The following USP34 variants were observed in gnomAD, a reference collection of about 807,000 sequenced individuals.
USP34 encodes the protein ubiquitin carboxyl-terminal hydrolase 34.
Under a neutral mutation model 460.3 loss-of-function variants are expected in USP34, and 70 were observed. The ratio of observed to expected loss-of-function variants is 0.15; its 90% CI spans 0.13 to 0.19. USP34 has a LOEUF of 0.19. USP34 is among the 10% of genes least tolerant of loss of function. The pLI is 1.00. For synonymous variants in USP34, 1,647 were observed against 1,405.3 expected, an observed-to-expected ratio of 1.17 and a Z score of -3.85; for missense variants, 3,985 against 4,236.2, an observed-to-expected ratio of 0.94 and a Z score of 1.65.
chr2:61,313,056 G>A (rs749438061), intron 25 of USP34, among the ~76,000 whole-genome samples: 33 of 152,000 alleles, frequency 2.2e-4, no homozygotes, highest in Non-Finnish European at 4.1e-4. Context: ...ACAAAATTTT[G>A]CATGAAAAAT....
Position 61,350,304 on chromosome 2 carries a change from A to G in USP34, c.1463T>C (p.Phe488Ser). 6.2e-7 allele frequency: 1 copy of G among 1,612,660 alleles called. No homozygotes were observed. The highest frequency in any genetic ancestry group is 2.2e-5 in the East Asian group (1 of 44,780). ...AKAQLSKQSS[F>S]ASLLNTNIPI... Reference sequence around the variant, plus strand: ...AATATTAGTATTTAATAAAGATGCAAAAGAACTCTGTTTAGATAACTGAGC... The same window carrying G: ...AATATTAGTATTTAATAAAGATGCAGAAGAACTCTGTTTAGATAACTGAGC... Residue 488 changes from phenylalanine (F) to serine (S), a missense_variant, in exon 12 of 80, where the codon TTT becomes TCT. By Grantham distance (155) the Phe-to-Ser change is radical. Around this residue, in one of 14 missense-constraint regions of USP34, gnomAD observed 716 missense variants for 626.2 expected, o/e 1.14. Transcript: ENST00000398571.
At chr2:61,414,727 C>T (rs76042912) in intron 2 of USP34, among the ~76,000 whole-genome samples, 1 of 152,132 alleles carries the variant, frequency 6.6e-6, no homozygotes, top group African/African-American at 2.4e-5. Flanking sequence ...ACAGTCAGAG[C>T]AAGGGAGTCA....
chr2:61,208,052 A>T (rs1023451060), intron 70 of USP34: 3 of 152,338 alleles, frequency 2.0e-5, no homozygotes, highest in African/African-American at 7.2e-5. Context: ...AAGCATAAAC[A>T]GCTGATTTTA....
rs1687194932 is a variant in USP34 at position 61,208,976 on chromosome 2, C to T, written c.8842G>A (p.Ala2948Thr). Residue 2948 changes from alanine to threonine, a missense_variant and splice_region_variant, in exon 70 of 80, where the codon GCC (alanine) becomes ACC (threonine). By Grantham distance (58) the Ala-to-Thr change is moderately conservative. This residue lies in a region of USP34 where 275 missense variants were observed against 292.7 expected (regional missense o/e 0.94). Transcript: ENST00000398571. ...TCAGATTCTAATAGTATTCTGAAGGCACTAGAAGAAAACATAAAGTTCAGT... is the reference window on the plus strand; with the variant it reads ...TCAGATTCTAATAGTATTCTGAAGGTACTAGAAGAAAACATAAAGTTCAGT... Reference protein sequence around the residue: ...GRSCWTTLISAFRILLESDED... With the variant: ...GRSCWTTLISTFRILLESDED... 2.6e-6 allele frequency: 4 copies of T among 1,566,932 alleles called. No homozygotes were observed. Among genetic ancestry groups the T allele is most frequent in the Non-Finnish European group, 3.5e-6 (4 of 1,156,412 alleles).
At chr2:61,459,241 A>C (rs1273534212) in intron 1 of USP34, among the ~76,000 whole-genome samples, 1 of 152,186 alleles carries the variant, frequency 6.6e-6, no homozygotes, top group Non-Finnish European at 1.5e-5. Flanking sequence ...GAGAAGAAAT[A>C]AGCACAACTA....
At chr2:61,205,562 G>A (rs1687095751) in intron 72 of USP34, among the ~76,000 whole-genome samples, 1 of 152,054 alleles carries the variant, frequency 6.6e-6, no homozygotes, top group Non-Finnish European at 1.5e-5. Context: ...TCTTTTAAAA[G>A]CCACAAATTA....
rs369208227 is a variant in USP34, at chr2:61,265,978, G to C, written c.5617+6C>G. On this transcript the variant is annotated splice_donor_region_variant and intron_variant, in intron 42 of 79. Transcript: ENST00000398571. ...ATAAAGATTAAAGGAAAAGAAGAAT[G>C]CTTACACTGCATGTGTTGTGCCATA... 820 of 1,581,598 alleles carry C rather than the reference G, an allele frequency of 5.2e-4. 8 individuals are homozygous for C. In the South Asian group the frequency reaches 8.9e-3, roughly 17 times the overall value.
At chr2:61,288,456 T>C (rs923829537) in intron 34 of USP34, among the ~76,000 whole-genome samples, 2 of 152,204 alleles carry the variant, frequency 1.3e-5, no homozygotes, top group African/African-American at 4.8e-5. Flanking sequence ...ATAAATTCAG[T>C]CTCACAGATA....
intron 68 of USP34, 116 bp downstream of exon 68, chr2:61,213,944 T>C (rs1468176761): frequency 8.0e-7 from 1 of 1,253,952 alleles, no homozygotes; most frequent in African/African-American, 1.5e-5. Flanking sequence ...CACATTAAGT[T>C]CTTAAGAAAG....
At chr2:61,316,934 T>C (rs1171274059) in intron 23 of USP34, among the ~76,000 whole-genome samples, 5 of 152,138 alleles carry the variant, frequency 3.3e-5, no homozygotes, top group African/African-American at 7.2e-5. Context: ...TTTTCCTTTT[T>C]AAAAAAATTT....
chr2:61,284,722 T>C (rs1378939863), intron 35 of USP34, among the ~76,000 whole-genome samples, 153 bp downstream of exon 35: 3 of 152,162 alleles, frequency 2.0e-5, no homozygotes, highest in Non-Finnish European at 2.9e-5. Context: ...AGCAACAGGT[T>C]AATAATACGT....
At chr2:61,321,364 G>A (rs574161989) in intron 21 of USP34, among the ~76,000 whole-genome samples, 39 of 152,170 alleles carry the variant, frequency 2.6e-4, no homozygotes, top group Non-Finnish European at 5.4e-4. Flanking sequence ...CCAGCTGCTC[G>A]GGAGGCTGAG....
chr2:61,187,550 T>C lies in USP34; in HGVS notation c.*552A>G. The stretch of plus-strand genomic sequence containing the variant: ...TCAATAAAAATAAAACAATTATTTT[T>C]ACATCAAGTGTGCTTTATTTCCTCC... On this transcript the variant is annotated 3_prime_UTR_variant, in exon 80 of 80. Transcript: ENST00000398571. 1.0e-6 allele frequency: 1 copy of C among 976,888 alleles called. No homozygotes were observed. The highest frequency in any genetic ancestry group is 4.7e-5 in the South Asian group (1 of 21,116). 60.5% of individuals were successfully genotyped at this position (976,888 alleles called of 1,614,324 possible).
intron 21 of USP34, among the ~76,000 whole-genome samples, chr2:61,322,534 A>G (rs917044048): frequency 6.6e-6 from 1 of 152,254 alleles, no homozygotes; most frequent in Non-Finnish European, 1.5e-5. Context: ...TCTGAAGTAC[A>G]TTTTAAGAGG....
At chr2:61,308,033 A>G (rs969694490) in intron 27 of USP34, among the ~76,000 whole-genome samples, 1 of 152,142 alleles carries the variant, frequency 6.6e-6, no homozygotes, top group Admixed American at 6.6e-5. Flanking sequence ...TGGGTGACAG[A>G]GTGAGACCCT....
intron 27 of USP34, among the ~76,000 whole-genome samples, chr2:61,306,717 C>T (rs932148937): frequency 3.3e-5 from 5 of 152,102 alleles, no homozygotes; most frequent in African/African-American, 1.2e-4. Context: ...TGAAAAAATG[C>T]TCATCATCAC....
intron 1 of USP34, among the ~76,000 whole-genome samples, chr2:61,446,486 G>A (rs545246937): frequency 6.6e-6 from 1 of 152,222 alleles, no homozygotes; most frequent in Admixed American, 6.5e-5. Flanking sequence ...TGTAAGTACT[G>A]TCTGTTACAT....
At chr2:61,395,785 CAAAAAAAA>C (rs541139131) in intron 3 of USP34, among the ~76,000 whole-genome samples, 1 of 29,330 alleles carries the variant, frequency 3.4e-5, no homozygotes, top group Non-Finnish European at 6.2e-5. Flanking sequence ...GACTCCGTCT[CAAAAAAAA>C]AAAAAAAAAA....
At chr2:61,314,148 T>A (rs1230397517) in intron 25 of USP34, among the ~76,000 whole-genome samples, 1 of 152,020 alleles carries the variant, frequency 6.6e-6, no homozygotes, top group Non-Finnish European at 1.5e-5. Flanking sequence ...ATTAAAATAC[T>A]GTCTCCTAGT....
Sources: gnomAD v4.1 joint callset for allele counts (sites outside exome capture counted in the v4.1 genomes callset) on GRCh38, gnomAD v4.1.1 for gene constraint, gnomAD v4.1.1 regional missense constraint, MANE v1.5 for transcripts, NCBI Gene and HGNC (gene_info 2026-07-23, HGNC 2026-07-21) for gene names.